ATP2C2: variants seen among roughly 807,000 people sequenced by gnomAD.
ATP2C2 encodes the protein calcium-transporting ATPase type 2C member 2.
In ATP2C2, 171 loss-of-function variants were observed where a neutral mutation model predicts 110.8. The observed-to-expected ratio is 1.54, with a 90% CI of 1.36 to 1.75. The LOEUF is 1.75. Ranked by LOEUF, ATP2C2 falls within the 40% of genes most tolerant of loss-of-function variation. The pLI, the probability that ATP2C2 is intolerant of heterozygous loss-of-function variation, is 0.00. For synonymous variants in ATP2C2, 804 were observed against 508.4 expected, an observed-to-expected ratio of 1.58 and a Z score of -7.82; for missense variants, 1,963 against 1,235.0, an observed-to-expected ratio of 1.59 and a Z score of -8.84.
chr16:84,423,092 A>T, intron 9 of ATP2C2, 96 bp from the exon 10 acceptor site: 1 of 1,026,622 alleles, frequency 9.7e-7, no homozygotes, highest in South Asian at 1.4e-5. Context: ...TGTAATCATC[A>T]CTGAAGCTGT....
At chr16:84,378,366 C>T (rs955146679) in intron 1 of ATP2C2, among the ~76,000 whole-genome samples, 1 of 152,108 alleles carries the variant, frequency 6.6e-6, no homozygotes, top group Non-Finnish European at 1.5e-5. Context: ...AATCTCTCCA[C>T]ATTCATGTGT....
chr16:84,404,541 C>G (rs551509714), intron 2 of ATP2C2: 39 of 180,498 alleles, frequency 2.2e-4, no homozygotes, highest in African/African-American at 6.7e-4. Flanking sequence ...CTTTCGTTCT[C>G]AGGCTAAATA....
intron 6 of ATP2C2, among the ~76,000 whole-genome samples, chr16:84,415,261 G>A (rs1319314929): frequency 6.6e-6 from 1 of 152,126 alleles, no homozygotes; most frequent in Non-Finnish European, 1.5e-5. Context: ...AACAGCAATG[G>A]CCTCATCTTT....
chr16:84,462,397 C>G (rs914173226), intron 26 of ATP2C2: 3 of 397,510 alleles, frequency 7.5e-6, no homozygotes, highest in Non-Finnish European at 1.4e-5. Context: ...TCCCAGGCGT[C>G]GGGCTGGAGG....
chr16:84,462,277 C>A (rs2150603834), intron 26 of ATP2C2, 148 bp downstream of exon 26: 2 of 1,051,372 alleles, frequency 1.9e-6, no homozygotes, highest in East Asian at 2.5e-5. Flanking sequence ...GCCCTTCTGT[C>A]CTCACAGGAA....
Position 84,410,560 on chromosome 16 carries a change from C to A in ATP2C2, c.418-8C>A. On this transcript the variant is annotated splice_region_variant and splice_polypyrimidine_tract_variant and intron_variant, in intron 4 of 26. Transcript: ENST00000262429. ...TGGTACTGACACCCTCCTCCGTTTG[C>A]TGTCTAGGCAGTGCTTGTCGTGGTC... 1 of 1,613,834 alleles carries A rather than the reference C, an allele frequency of 6.2e-7. No homozygotes were observed. The highest frequency in any genetic ancestry group is 8.5e-7 in the Non-Finnish European group (1 of 1,179,866).
At chr16:84,437,048 C>A (rs148456205) in intron 11 of ATP2C2, among the ~76,000 whole-genome samples, 3 of 151,932 alleles carry the variant, frequency 2.0e-5, no homozygotes, top group Non-Finnish European at 4.4e-5. Flanking sequence ...AGGCATGAGC[C>A]GCCACACCCG....
intron 11 of ATP2C2, among the ~76,000 whole-genome samples, chr16:84,428,721 A>G (rs1018576249): frequency 1.3e-5 from 2 of 152,226 alleles, no homozygotes; most frequent in Non-Finnish European, 1.5e-5. Flanking sequence ...AAATCCTGTA[A>G]TGAGACACAC....
chr16:84,410,455 T>C, intron 4 of ATP2C2, 113 bp from the exon 5 acceptor site: 1 of 1,267,158 alleles, frequency 7.9e-7, no homozygotes. Context: ...TGTGCACATG[T>C]TTTGCAAGAA....
intron 1 of ATP2C2, among the ~76,000 whole-genome samples, chr16:84,396,223 C>CATGT: frequency 6.6e-6 from 1 of 150,608 alleles, no homozygotes; most frequent in Non-Finnish European, 1.5e-5. Context: ...AAGCATCGGG[C>CATGT]GTGTGTGTGT....
rs143680229 is a variant in ATP2C2, at chr16:84,423,336, C to A, written c.919+73C>A. On this transcript the variant is annotated intron_variant, in intron 10 of 26. Coordinates refer to ENST00000262429, the MANE Select transcript of ATP2C2 (RefSeq NM_014861.4). The stretch of plus-strand genomic sequence containing the variant: ...AGCCATCATAGGGGGGTTGCCATGG[C>A]CGTTTCTCAAATATCTTGCTACTCA... 1.5e-5 allele frequency: 21 copies of A among 1,408,232 alleles called. No homozygotes were observed. In the African/African-American group the frequency reaches 1.8e-4, roughly 12 times the overall value. The allele number at this position is 1,408,232 out of a possible 1,614,324, so 87.2% of individuals were successfully genotyped here. A position where few individuals can be genotyped will look rare whatever the true frequency, so the allele number is the denominator to read the frequency against.
intron 1 of ATP2C2, among the ~76,000 whole-genome samples, chr16:84,379,498 G>A (rs554522800): frequency 3.9e-5 from 6 of 152,302 alleles, no homozygotes; most frequent in East Asian, 3.9e-4. Context: ...TCCTCCAAGT[G>A]TGGGCTGGGG....
At position 84,459,453 on chromosome 16, in the gene ATP2C2, C is replaced by T. The variant is rs1911042260; in HGVS notation, c.2333+67C>T. 5 of 1,602,858 alleles carry T rather than the reference C, an allele frequency of 3.1e-6. No homozygotes were observed. In the South Asian group the frequency reaches 5.5e-5, roughly 18 times the overall value. On this transcript the variant is annotated intron_variant, in intron 23 of 26. Coordinates refer to ENST00000262429, the MANE Select transcript of ATP2C2 (RefSeq NM_014861.4). The stretch of plus-strand genomic sequence containing the variant: ...CCTGCGGGGCTTCCTCCAGGGGCTG[C>T]TGGCTGTGCCCCAAGGCTATAGGGA...
At chr16:84,407,098 G>A (rs1905843320) in intron 3 of ATP2C2, 1 of 152,122 alleles carries the variant, frequency 6.6e-6, no homozygotes, top group Admixed American at 6.6e-5. Context: ...TGCGTATACG[G>A]GTTCTGTCTG....
chr16:84,427,662 A>G (rs1426989209), intron 11 of ATP2C2, among the ~76,000 whole-genome samples: 1 of 152,182 alleles, frequency 6.6e-6, no homozygotes, highest in Non-Finnish European at 1.5e-5. Context: ...GTTTGCAGTG[A>G]GCCGAGATTG....
At chr16:84,461,678 C>T (rs1478811838) in intron 24 of ATP2C2, 36 bp from the exon 25 acceptor site, 10 of 1,582,872 alleles carry the variant, frequency 6.3e-6, no homozygotes, top group African/African-American at 5.4e-5. Context: ...GTTGTCTCTT[C>T]CCGCCTAACC....
At chr16:84,454,197 G>A (rs2150586761) in intron 20 of ATP2C2, among the ~76,000 whole-genome samples, 1 of 152,242 alleles carries the variant, frequency 6.6e-6, no homozygotes, top group South Asian at 2.1e-4. Flanking sequence ...GCCGTCAGCT[G>A]ATTCACAGGG....
rs762116800 is a variant in ATP2C2 at position 84,398,519 on chromosome 16, G to A, written c.120G>A (p.Leu40=). Residue 40 remains leucine, a synonymous_variant, in exon 2 of 27, where the codon CTG becomes CTA. Coordinates refer to ENST00000262429, the MANE Select transcript of ATP2C2 (RefSeq NM_014861.4). ...EEALIDEQSE[L]KAIEKEKKVT... ...CACAGATTGATGAACAGAGTGAGCT[G>A]AAAGCCATCGAGAAAGAGAAGAAGG... 6.2e-7 allele frequency: 1 copy of A among 1,612,858 alleles called. No homozygotes were observed. The highest frequency in any genetic ancestry group is 8.5e-7 in the Non-Finnish European group (1 of 1,179,612).
Position 84,452,039 on chromosome 16 carries a change from T to G in ATP2C2, c.1779T>G (p.Gly593=), listed in dbSNP as rs965457992. The change falls in exon 18 of 27, where the codon GGT becomes GGG. Residue 593 remains glycine (G), a synonymous_variant. Coordinates refer to ENST00000262429, the MANE Select transcript of ATP2C2 (RefSeq NM_014861.4). ...KEAVQVLSES[G]VSVKMITGDA... is the part of the protein sequence containing the mutation. Reference sequence around the variant, plus strand: ...CAGTCCAGGTTCTCTCCGAGTCTGGTGTGTCTGTGAAGATGATAACGGGGG... The same window carrying G: ...CAGTCCAGGTTCTCTCCGAGTCTGGGGTGTCTGTGAAGATGATAACGGGGG... 29 of 1,611,794 alleles carry G rather than the reference T, an allele frequency of 1.8e-5. No individual in the cohort carries two copies. The highest frequency in any genetic ancestry group is 2.1e-5 in the Non-Finnish European group (25 of 1,179,712).
Sources: allele counts gnomAD v4.1 joint callset (sites outside exome capture counted in the v4.1 genomes callset), GRCh38; gene constraint gnomAD v4.1.1; transcripts MANE v1.5; gene names NCBI Gene and HGNC (gene_info 2026-07-23, HGNC 2026-07-21).